Variants in SLC27A4 observed in about 807,000 individuals in gnomAD.
The protein encoded by SLC27A4 is solute carrier family 27 member 4.
In SLC27A4, 33 loss-of-function variants were observed where a neutral mutation model predicts 64.4. The ratio of observed to expected loss-of-function variants is 0.51; its 90% CI spans 0.39 to 0.68. SLC27A4 has a LOEUF of 0.68. SLC27A4 is among the 30% of genes least tolerant of loss of function. SLC27A4 has a pLI of 0.00. For missense variants in SLC27A4, 824 were observed against 883.5 expected (o/e 0.93, Z 0.85); for synonymous variants, 377 against 370.0 (o/e 1.02, Z -0.22).
chr9:128,342,213 C>T, intron 1 of SLC27A4: 2 of 1,600,426 alleles, frequency 1.2e-6, no homozygotes, highest in South Asian at 1.1e-5. Context: ...ATGCCTCGCT[C>T]CGCTTTTCCT....
At chr9:128,347,444 G>A (rs1046134463) in intron 3 of SLC27A4, among the ~76,000 whole-genome samples, 3 of 152,072 alleles carry the variant, frequency 2.0e-5, no homozygotes, top group African/African-American at 4.8e-5. Flanking sequence ...TGCTGAAAGG[G>A]GGCCTGGCAT....
chr9:128,352,927 C>A, intron 7 of SLC27A4, 98 bp from the exon 8 acceptor site: 1 of 1,209,500 alleles, frequency 8.3e-7, no homozygotes, highest in Non-Finnish European at 1.2e-6. Flanking sequence ...GATGGCATGG[C>A]CAGCCCCTGG....
chr9:128,351,362 G>A (rs996667694), intron 6 of SLC27A4, among the ~76,000 whole-genome samples: 17 of 152,066 alleles, frequency 1.1e-4, no homozygotes, highest in African/African-American at 4.1e-4. Context: ...GGGAGGCAAA[G>A]GTTGCAGTGA....
At chr9:128,347,004 C>A (rs1421209162) in intron 3 of SLC27A4, among the ~76,000 whole-genome samples, 1 of 150,556 alleles carries the variant, frequency 6.6e-6, no homozygotes, top group East Asian at 1.9e-4. Context: ...GGTTACGTGT[C>A]AAAAAAAAAG....
intron 9 of SLC27A4, among the ~76,000 whole-genome samples, chr9:128,354,186 C>T (rs898680443): frequency 1.4e-4 from 22 of 152,102 alleles, no homozygotes; most frequent in African/African-American, 5.1e-4. Context: ...TCAAGTGATC[C>T]ATCCACCTCG....
chr9:128,348,617 C>A lies in SLC27A4; in HGVS notation c.629C>A (p.Ala210Glu). 6.2e-7 allele frequency: 1 copy of A among 1,613,748 alleles called. No homozygotes were observed. Among genetic ancestry groups the A allele is most frequent in the Non-Finnish European group, 8.5e-7 (1 of 1,180,002 alleles). Residue 210 changes from alanine (A) to glutamate (E), a missense_variant, in exon 4 of 13, where the codon GCG (alanine) becomes GAG (glutamate). Coordinates refer to ENST00000300456, the MANE Select transcript of SLC27A4 (RefSeq NM_005094.4). ...TGCTCTGGCTCCTGGGAGCCCGGTG[C>A]GGTGCCTCCAAGCACAGAACACCTG... is the stretch of plus-strand genomic sequence containing the variant. ...LFCSGSWEPG[A>E]VPPSTEHLDP...
chr9:128,358,386 G>A (rs7035735), intron 12 of SLC27A4, among the ~76,000 whole-genome samples: 6,342 of 152,318 alleles, frequency 0.042, 157 homozygotes, highest in Middle Eastern at 0.075. Flanking sequence ...CTGGCTGGAC[G>A]CCGTGGCTCA....
rs763240946 is a variant in SLC27A4, at chr9:128,345,454, C to T, written c.461C>T (p.Ala154Val). The change falls in exon 3 of 13, where the codon GCC becomes GTC. Residue 154 changes from alanine to valine, a missense_variant. Physicochemically the swap from Ala to Val is moderately conservative, Grantham distance 64. Transcript: ENST00000300456. This position sits in a 1 kb window ranked among gnomAD's most constrained non-coding sequence, Gnocchi z 4.1. ...LGMAKLGVEA[A>V]LINTNLRRDA... Reference sequence around the variant, plus strand: ...ATGGCCAAGCTCGGTGTGGAGGCAGCCCTCATCAACACCAACCTGCGGCGG... The same window carrying T: ...ATGGCCAAGCTCGGTGTGGAGGCAGTCCTCATCAACACCAACCTGCGGCGG... 2.2e-5 allele frequency: 35 copies of T among 1,613,334 alleles called. No homozygotes were observed. The highest frequency in any genetic ancestry group is 3.3e-5 in the Admixed American group (2 of 60,000).
chr9:128,345,243 G>T lies in SLC27A4; in HGVS notation c.250G>T (p.Val84Phe). The change falls in exon 3 of 13, where the codon GTT (valine) becomes TTT (phenylalanine). Residue 84 changes from valine to phenylalanine, a missense_variant. Physicochemically the swap from Val to Phe is conservative, Grantham distance 50. Transcript: ENST00000300456. The surrounding 1 kb of genome is among the most constrained non-coding windows in gnomAD (Gnocchi z 4.1). Reference protein sequence around the residue: ...RTVPILFASTVRRHPDKTALI... With the variant: ...RTVPILFASTFRRHPDKTALI... ...AGTGCCCATTTTGTTTGCCTCTACC[G>T]TTCGGCGCCACCCCGACAAGACGGC... The T allele has an allele frequency of 6.2e-7, 1 of 1,613,876 alleles. No homozygotes were observed. The highest frequency in any genetic ancestry group is 8.5e-7 in the Non-Finnish European group (1 of 1,180,024).
In SLC27A4 at chr9:128,353,636, A is replaced by G. The variant is rs1470476070; in HGVS notation, c.1324+95A>G. On this transcript the variant is annotated intron_variant, in intron 9 of 12. Coordinates refer to ENST00000300456, the MANE Select transcript of SLC27A4 (RefSeq NM_005094.4). This position sits in a 1 kb window ranked among gnomAD's most constrained non-coding sequence, Gnocchi z 4.9. ...GGGAGCCTTGTTCTGACCAGTGGCC[A>G]TCAGTTATCTCTGCTCTTAGGGTTA... 3 of 1,314,394 alleles carry G rather than the reference A, an allele frequency of 2.3e-6. No homozygotes were observed. 81.4% of individuals were successfully genotyped at this position (1,314,394 alleles called of 1,614,324 possible). A position where few individuals can be genotyped will look rare whatever the true frequency, so the allele number is the denominator to read the frequency against.
chr9:128,354,064 C>G (rs755714230), intron 9 of SLC27A4, among the ~76,000 whole-genome samples: 1 of 151,892 alleles, frequency 6.6e-6, no homozygotes, highest in Non-Finnish European at 1.5e-5. Flanking sequence ...TTTTCTCACC[C>G]TCCTGAGTAG....
chr9:128,346,716 A>T (rs1184927256), intron 3 of SLC27A4, among the ~76,000 whole-genome samples: 2 of 151,234 alleles, frequency 1.3e-5, no homozygotes, highest in African/African-American at 2.4e-5. Context: ...AAAACAAAAT[A>T]AAAGGCCGGG....
chr9:128,341,137 G>T (rs982690681), intron 1 of SLC27A4, among the ~76,000 whole-genome samples: 8 of 152,172 alleles, frequency 5.3e-5, no homozygotes, highest in African/African-American at 1.7e-4. Context: ...GGACCCTGGC[G>T]TTGGGGTTGA....
Position 128,345,486 on chromosome 9 carries a change from C to T in SLC27A4, c.493C>T (p.Leu165=), listed in dbSNP as rs1832642983. 1 of 1,612,340 alleles carries T rather than the reference C, an allele frequency of 6.2e-7. No individual in the cohort carries two copies. The highest frequency in any genetic ancestry group is 8.5e-7 in the Non-Finnish European group (1 of 1,179,658). The change falls in exon 3 of 13, where the codon CTG becomes TTG. Residue 165 remains leucine (L), a synonymous_variant. Coordinates refer to ENST00000300456, the MANE Select transcript of SLC27A4 (RefSeq NM_005094.4). This position sits in a 1 kb window ranked among gnomAD's most constrained non-coding sequence, Gnocchi z 4.1. The part of the protein sequence containing the change: ...LINTNLRRDA[L]LHCLTTSRAR... ...CAACACCAACCTGCGGCGGGATGCT[C>T]TGCTCCACTGCCTCACCACCTCGCG...
chr9:128,343,607 T>C (rs1832611129), intron 2 of SLC27A4, among the ~76,000 whole-genome samples: 2 of 152,004 alleles, frequency 1.3e-5, no homozygotes, highest in South Asian at 2.1e-4. Flanking sequence ...ACTCTGTAAG[T>C]TTATGAAAGG....
chr9:128,353,583 A>G lies in SLC27A4; in HGVS notation c.1324+42A>G, dbSNP rs769023769. 8.7e-6 allele frequency: 14 copies of G among 1,607,884 alleles called. No homozygotes were observed. The highest frequency in any genetic ancestry group is 1.2e-5 in the Non-Finnish European group (14 of 1,176,132). ...TCAGAGAGGGAGGGGTTGGCCTGGG[A>G]AGGAAGGAGGCCAGGCGCGTGTGGA... On this transcript the variant is annotated intron_variant, in intron 9 of 12. Transcript: ENST00000300456. The surrounding 1 kb of genome is among the most constrained non-coding windows in gnomAD (Gnocchi z 4.9).
chr9:128,360,514 C>T lies in SLC27A4; in HGVS notation c.*23C>T, dbSNP rs587777865. ...TGATTCCCCCCATCCCTCTGAGGGC[C>T]GGCGGATGCTGGATCCGGAGCCCCA... On this transcript the variant is annotated 3_prime_UTR_variant, in exon 13 of 13. Coordinates refer to ENST00000300456, the MANE Select transcript of SLC27A4 (RefSeq NM_005094.4). 37 of 1,612,566 alleles carry T rather than the reference C, an allele frequency of 2.3e-5. No homozygotes were observed. Among genetic ancestry groups the T allele is most frequent in the Middle Eastern group, 1.7e-4 (1 of 5,744 alleles).
chr9:128,342,957 T>C (rs934881231), intron 1 of SLC27A4, among the ~76,000 whole-genome samples, 170 bp from the exon 2 acceptor site: 4 of 152,126 alleles, frequency 2.6e-5, no homozygotes, highest in African/African-American at 9.7e-5. Context: ...GCCTGCCCCT[T>C]CCAGGCCAAG....
chr9:128,341,759 G>A (rs548596266), intron 1 of SLC27A4, among the ~76,000 whole-genome samples: 1 of 152,138 alleles, frequency 6.6e-6, no homozygotes, highest in South Asian at 2.1e-4. Flanking sequence ...CTTTTTTTGA[G>A]ACGGAGTCTC....
Sources: allele counts gnomAD v4.1 joint callset (sites outside exome capture counted in the v4.1 genomes callset), GRCh38; gene constraint gnomAD v4.1.1; non-coding constraint Gnocchi (gnomAD v3.1); transcripts MANE v1.5; gene names NCBI Gene and HGNC (gene_info 2026-07-23, HGNC 2026-07-21).